Variants in DGKI observed in about 807,000 individuals in gnomAD.
The protein encoded by DGKI is diacylglycerol kinase iota.
In DGKI, 55 loss-of-function variants were observed where a neutral mutation model predicts 147.5. The ratio of observed to expected loss-of-function variants is 0.37; its 90% CI spans 0.30 to 0.47. DGKI has a LOEUF of 0.47. Ranked by LOEUF, DGKI falls within the 20% of genes least tolerant of loss-of-function variation. The pLI is 1.00. For missense variants in DGKI, 1,007 were observed against 1,323.8 expected (o/e 0.76, Z 3.71); for synonymous variants, 469 against 477.1 (o/e 0.98, Z 0.22).
At chr7:137,748,763 C>T (rs1266365768) in intron 1 of DGKI, among the ~76,000 whole-genome samples, 1 of 152,192 alleles carries the variant, frequency 6.6e-6, no homozygotes, top group African/African-American at 2.4e-5. Context: ...TCACACAGAT[C>T]ATGATGCAGC....
At position 137,752,802 on chromosome 7, in the gene DGKI, C is replaced by A. The variant is rs189387112; in HGVS notation, c.402-62800G>T. On this transcript the variant is annotated intron_variant, in intron 1 of 32. Coordinates refer to ENST00000614521, the MANE Select transcript of DGKI (RefSeq NM_001321708.2). ...TGGTTTTTGGAGATGTGAGTCTTGCCGAAGCTCCCGGCCGAATAAAGCCCT... is the reference window on the plus strand; with the variant it reads ...TGGTTTTTGGAGATGTGAGTCTTGCAGAAGCTCCCGGCCGAATAAAGCCCT... 3.4e-4 allele frequency among the ~76,000 whole-genome samples: 51 copies of A among 152,214 alleles called. 1 individual carries two copies. Among genetic ancestry groups the A allele is most frequent in the Middle Eastern group, 3.4e-3 (1 of 294 alleles).
At chr7:137,522,028 C>A (rs1309331781) in intron 20 of DGKI, 62 bp from the exon 21 acceptor site, 2 of 1,232,258 alleles carry the variant, frequency 1.6e-6, no homozygotes, top group African/African-American at 1.5e-5. Context: ...AGCCATGCAC[C>A]TGAAGGAATA....
chr7:137,782,818 T>C (rs1273600002), intron 1 of DGKI, among the ~76,000 whole-genome samples: 1 of 152,196 alleles, frequency 6.6e-6, no homozygotes, highest in African/African-American at 2.4e-5. Flanking sequence ...ATCACAGGAC[T>C]CATTGCAGAC....
chr7:137,395,964 T>C (rs906486445), intron 31 of DGKI: 3 of 448,368 alleles, frequency 6.7e-6, no homozygotes, highest in African/African-American at 5.8e-5. Flanking sequence ...CTACTACTAT[T>C]TGATTTAGGT....
chr7:137,642,273 G>T (rs1821655983), intron 6 of DGKI, among the ~76,000 whole-genome samples: 1 of 118,328 alleles, frequency 8.5e-6, no homozygotes, highest in Non-Finnish European at 1.5e-5. Context: ...GTGGAGCTGG[G>T]TATCTACTGG....
intron 1 of DGKI, among the ~76,000 whole-genome samples, chr7:137,755,274 T>C (rs1795644172): frequency 6.6e-6 from 1 of 152,174 alleles, no homozygotes; most frequent in Admixed American, 6.5e-5. Context: ...ATGTGAGGTC[T>C]TTTTCAACAT....
intron 2 of DGKI, among the ~76,000 whole-genome samples, chr7:137,684,819 T>C (rs1313865549): frequency 3.3e-5 from 5 of 152,062 alleles, no homozygotes; most frequent in African/African-American, 4.8e-5. Flanking sequence ...GGGCTGTGGG[T>C]GATGACACTC....
intron 1 of DGKI, chr7:137,843,340 C>T (rs1239445732): frequency 1.6e-5 from 13 of 795,084 alleles, no homozygotes; most frequent in African/African-American, 1.9e-5. Context: ...TGTTGCAGCA[C>T]CATAATTTGC....
chr7:137,814,794 A>C (rs1228168605), intron 1 of DGKI, among the ~76,000 whole-genome samples: 1 of 152,224 alleles, frequency 6.6e-6, no homozygotes, highest in Admixed American at 6.5e-5. Context: ...TGAGCCTATA[A>C]ATATTCCAGA....
chr7:137,656,084 T>G (rs1822209893), intron 4 of DGKI, among the ~76,000 whole-genome samples: 1 of 152,210 alleles, frequency 6.6e-6, no homozygotes, highest in Non-Finnish European at 1.5e-5. Context: ...ACAAGTCAGA[T>G]ATATGTGAAC....
chr7:137,807,365 C>T (rs1797413183), intron 1 of DGKI, among the ~76,000 whole-genome samples: 1 of 152,220 alleles, frequency 6.6e-6, no homozygotes, highest in Non-Finnish European at 1.5e-5. Context: ...TATGTTTTGT[C>T]ATAATGACAT....
At chr7:137,508,483 C>T (rs1191669255) in intron 21 of DGKI, among the ~76,000 whole-genome samples, 1 of 152,084 alleles carries the variant, frequency 6.6e-6, no homozygotes, top group Non-Finnish European at 1.5e-5. Context: ...ACCTCGGCCT[C>T]CCAAAGTGCT....
chr7:137,523,366 A>C (rs933130065), intron 20 of DGKI, among the ~76,000 whole-genome samples: 1 of 152,106 alleles, frequency 6.6e-6, no homozygotes, highest in Non-Finnish European at 1.5e-5. Flanking sequence ...ACTCACCCAA[A>C]ATAGCACATA....
chr7:137,607,360 T>C (rs1315561838), intron 10 of DGKI, among the ~76,000 whole-genome samples: 1 of 152,224 alleles, frequency 6.6e-6, no homozygotes, highest in Non-Finnish European at 1.5e-5. Flanking sequence ...AGAAAATTCA[T>C]TTTAAGCTTC....
At position 137,389,077 on chromosome 7, in the gene DGKI, GA is replaced by G. The variant is rs1457813107; in HGVS notation, c.*2142del. The G allele has an allele frequency of 6.6e-6, 1 of 152,144 alleles. No homozygotes were observed. Among genetic ancestry groups the G allele is most frequent in the Admixed American group, 6.5e-5 (1 of 15,272 alleles). The allele number at this position is 152,144 out of a possible 1,614,324, so 9.4% of individuals were successfully genotyped here. A position where few individuals can be genotyped will look rare whatever the true frequency, so the allele number is the denominator to read the frequency against. On this transcript the variant is annotated 3_prime_UTR_variant, in exon 33 of 33. Coordinates refer to ENST00000614521, the MANE Select transcript of DGKI (RefSeq NM_001321708.2). ...ATTTGACTCAATCCAGGGAATGGAA[GA>G]TGCCATTCAAAGCCAGATTCCAGTT... is the stretch of plus-strand genomic sequence containing the variant.
intron 7 of DGKI, among the ~76,000 whole-genome samples, chr7:137,621,834 T>C (rs1820758788): frequency 6.6e-6 from 1 of 152,230 alleles, no homozygotes; most frequent in South Asian, 2.1e-4. Context: ...GCCTGGTAGC[T>C]GCACAGGGCA....
At chr7:137,681,877 C>T (rs1412801370) in intron 2 of DGKI, among the ~76,000 whole-genome samples, 1 of 152,264 alleles carries the variant, frequency 6.6e-6, no homozygotes, top group Non-Finnish European at 1.5e-5. Context: ...GCTTGACCCC[C>T]AGAGGGGCTA....
At chr7:137,522,218 C>T (rs988706219) in intron 20 of DGKI, among the ~76,000 whole-genome samples, 3 of 151,966 alleles carry the variant, frequency 2.0e-5, no homozygotes, top group Non-Finnish European at 2.9e-5. Flanking sequence ...ACTTTTATAT[C>T]GTATTTTCTA....
chr7:137,704,084 A>G (rs1030301516), intron 1 of DGKI, among the ~76,000 whole-genome samples: 7 of 152,210 alleles, frequency 4.6e-5, no homozygotes, highest in Middle Eastern at 3.4e-3. Context: ...GGCAGCACAT[A>G]CCTGCAGTTC....
Sources: allele counts gnomAD v4.1 joint callset (sites outside exome capture counted in the v4.1 genomes callset), GRCh38; gene constraint gnomAD v4.1.1; transcripts MANE v1.5; gene names NCBI Gene and HGNC (gene_info 2026-07-23, HGNC 2026-07-21).